Variants in POLR1A observed in about 807,000 individuals in gnomAD.
POLR1A encodes DNA-directed RNA polymerase I subunit RPA1.
Under a neutral mutation model 205.3 loss-of-function variants are expected in POLR1A, and 84 were observed. The ratio of observed to expected loss-of-function variants is 0.41; its 90% CI spans 0.34 to 0.49. The LOEUF (loss-of-function observed/expected upper bound fraction) is 0.49, where lower values mean the gene tolerates loss of function less well. Ranked by LOEUF, POLR1A falls within the 20% of genes least tolerant of loss-of-function variation. The pLI is 0.22. For missense variants in POLR1A, 1,645 were observed against 2,204.5 expected (o/e 0.75, Z 5.08); for synonymous variants, 799 against 863.7 (o/e 0.93, Z 1.31).
chr2:86,048,893 C>A lies in POLR1A; in HGVS notation c.2625G>T (p.Glu875Asp), dbSNP rs780211554. ...GCAATGCTGGGCTAACCTTGTTAAT[C>A]TCATTGCTGTAATGGTTCACTTCCT... The part of the protein sequence containing the change: ...FKEEVNHYSN[E>D]INKACMPFGL... Residue 875 changes from glutamate (E) to aspartate (D), a missense_variant, in exon 18 of 34, where the codon GAG (glutamate) becomes GAT (aspartate). By Grantham distance (45) the Glu-to-Asp change is conservative. This residue lies in a region of POLR1A where 339 missense variants were observed against 415.1 expected (regional missense o/e 0.82). Transcript: ENST00000263857. 6.2e-7 allele frequency: 1 copy of A among 1,613,796 alleles called. No individual in the cohort carries two copies. Among genetic ancestry groups the A allele is most frequent in the Admixed American group, 1.7e-5 (1 of 60,030 alleles).
chr2:86,067,399 A>T (rs1673100108), intron 13 of POLR1A, among the ~76,000 whole-genome samples: 1 of 152,230 alleles, frequency 6.6e-6, no homozygotes, highest in African/African-American at 2.4e-5. Flanking sequence ...TTGCTTAAAA[A>T]CTTTCCACAA....
chr2:86,065,315 G>C lies in POLR1A; in HGVS notation c.2017C>G (p.Pro673Ala), dbSNP rs191928354. The C allele has an allele frequency of 2.6e-4, 414 of 1,614,124 alleles. 2 individuals are homozygous for C. The African/African-American group carries it at 4.8e-3, about 19-fold the overall frequency. ...AGCGGAAAGGGCTTCAGGATGGAAGGAGAAAGGAGCTTCACGCGCCCCACT... is the reference window on the plus strand; with the variant it reads ...AGCGGAAAGGGCTTCAGGATGGAAGCAGAAAGGAGCTTCACGCGCCCCACT... ...DKVGRVKLLS[P>A]SILKPFPLWT... Residue 673 changes from proline (P) to alanine (A), a missense_variant, in exon 14 of 34, where the codon CCT becomes GCT. Pro to Ala is a conservative substitution (Grantham distance 27, BLOSUM62 -1). Coordinates refer to ENST00000263857, the MANE Select transcript of POLR1A (RefSeq NM_015425.6).
rs1558766254 is a variant in POLR1A, at chr2:86,043,150, C to G, written c.3181G>C (p.Asp1061His). ...AAGTGGTGGAGAGCTTTTTTGGGAT[C>G]TGCTCTGGATAAAACTTCATGGAGA... Reference protein sequence around the residue: ...QHLHEVLSRADPKKALHHFRA... With the variant: ...QHLHEVLSRAHPKKALHHFRA... Residue 1061 changes from aspartate (D) to histidine (H), a missense_variant, in exon 23 of 34, where the codon GAT (aspartate) becomes CAT (histidine). By Grantham distance (81) the Asp-to-His change is moderately conservative. Coordinates refer to ENST00000263857, the MANE Select transcript of POLR1A (RefSeq NM_015425.6). 6.2e-7 allele frequency: 1 copy of G among 1,613,938 alleles called. No homozygotes were observed. The highest frequency in any genetic ancestry group is 8.5e-7 in the Non-Finnish European group (1 of 1,180,002).
intron 14 of POLR1A, among the ~76,000 whole-genome samples, chr2:86,063,065 G>A (rs1199182757): frequency 9.9e-5 from 15 of 152,232 alleles, no homozygotes; most frequent in Admixed American, 9.8e-4. Context: ...GTTGGGCGCG[G>A]TGGCTCAGGC....
In POLR1A at chr2:86,042,048, T is replaced by G. The variant is rs761330208; in HGVS notation, c.3413A>C (p.Lys1138Thr). 1.2e-5 allele frequency: 19 copies of G among 1,613,624 alleles called. No individual in the cohort carries two copies. Among genetic ancestry groups the G allele is most frequent in the Middle Eastern group, 1.7e-4 (1 of 5,752 alleles). ...DEESRRKYQK[K>T]AAACPDPSLS... ...ACTGGGGTCAGGACAAGCGGCCGCC[T>G]TCTTCTGGTATTTCCTTCGGCTTTC... Residue 1138 changes from lysine (K) to threonine (T), a missense_variant, in exon 24 of 34, where the codon AAG (lysine) becomes ACG (threonine). Lys to Thr is a moderately conservative substitution (Grantham distance 78). Coordinates refer to ENST00000263857, the MANE Select transcript of POLR1A (RefSeq NM_015425.6).
At chr2:86,045,900 T>C (rs1217700201) in intron 19 of POLR1A, 131 bp from the exon 20 acceptor site, 5 of 725,156 alleles carry the variant, frequency 6.9e-6, no homozygotes, top group African/African-American at 3.8e-5. Context: ...AAGGCTAACC[T>C]ACATTTCTAA....
chr2:86,053,422 G>GT (rs1416119613), intron 15 of POLR1A, among the ~76,000 whole-genome samples: 1 of 152,136 alleles, frequency 6.6e-6, no homozygotes, highest in African/African-American at 2.4e-5. Flanking sequence ...CTTCAACCTC[G>GT]TAACTGTGCC....
At chr2:86,047,079 T>C (rs751460536) in intron 19 of POLR1A, 86 bp downstream of exon 19, 26 of 843,348 alleles carry the variant, frequency 3.1e-5, no homozygotes, top group African/African-American at 8.3e-5. Context: ...TCATGTTTTA[T>C]AGGGAACAAA....
intron 11 of POLR1A, 151 bp downstream of exon 11, chr2:86,077,708 T>G: frequency 1.1e-6 from 1 of 922,542 alleles, no homozygotes; most frequent in Non-Finnish European, 1.6e-6. Flanking sequence ...CAGAAGCTAG[T>G]TCCGCCCAAG....
At chr2:86,064,591 T>G (rs1404251245) in intron 14 of POLR1A, among the ~76,000 whole-genome samples, 1 of 152,074 alleles carries the variant, frequency 6.6e-6, no homozygotes, top group Non-Finnish European at 1.5e-5. Context: ...AGATTAGTCG[T>G]GAGTATTAAA....
At chr2:86,071,302 A>G (rs1673177669) in intron 12 of POLR1A, among the ~76,000 whole-genome samples, 1 of 150,774 alleles carries the variant, frequency 6.6e-6, no homozygotes, top group Admixed American at 6.6e-5. Context: ...AGGCTGTACT[A>G]TTTTTCTGAG....
At chr2:86,061,048 G>T (rs1672984090) in intron 14 of POLR1A, among the ~76,000 whole-genome samples, 1 of 152,134 alleles carries the variant, frequency 6.6e-6, no homozygotes. Flanking sequence ...ATATGAAGAG[G>T]TGCTCAACCT....
Position 86,030,217 on chromosome 2 carries a change from T to C in POLR1A, c.4758A>G (p.Pro1586=). 1 of 1,614,148 alleles carries C rather than the reference T, an allele frequency of 6.2e-7. No homozygotes were observed. Among genetic ancestry groups the C allele is most frequent in the Non-Finnish European group, 8.5e-7 (1 of 1,179,938 alleles). Residue 1586 remains proline (P), a synonymous_variant, in exon 31 of 34, where the codon CCA becomes CCG. Transcript: ENST00000263857. The part of the protein sequence containing the change: ...LVLNTEGINL[P]ELFKYAEVLD... ...TTACCTCTGCATACTTGAATAGCTC[T>C]GGGAGGTTGATTCCTTCTGTGTTTA... is the stretch of plus-strand genomic sequence containing the variant.
chr2:86,075,942 C>A (rs1476031507), intron 11 of POLR1A, among the ~76,000 whole-genome samples: 3 of 152,294 alleles, frequency 2.0e-5, no homozygotes, highest in Non-Finnish European at 2.9e-5. Context: ...CCTCATCTAC[C>A]CTGGCAGACA....
intron 8 of POLR1A, among the ~76,000 whole-genome samples, chr2:86,081,364 C>A (rs1381569727): frequency 1.3e-5 from 2 of 152,106 alleles, no homozygotes; most frequent in African/African-American, 4.8e-5. Flanking sequence ...CCACTGCACT[C>A]CAGCCTGGGA....
chr2:86,041,021 TTTAG>T (rs1347508267), intron 24 of POLR1A, among the ~76,000 whole-genome samples: 1 of 152,212 alleles, frequency 6.6e-6, no homozygotes, highest in Non-Finnish European at 1.5e-5. Flanking sequence ...TGTTTATATT[TTTAG>T]TTAGTGCAAA....
chr2:86,048,578 C>T (rs1042634683), intron 18 of POLR1A, among the ~76,000 whole-genome samples: 2 of 152,196 alleles, frequency 1.3e-5, no homozygotes, highest in Non-Finnish European at 2.9e-5. Context: ...GCTTATTCAC[C>T]CCTGGTGGCC....
At chr2:86,040,850 C>T (rs1200113868) in intron 24 of POLR1A, among the ~76,000 whole-genome samples, 1 of 152,080 alleles carries the variant, frequency 6.6e-6, no homozygotes, top group Non-Finnish European at 1.5e-5. Context: ...GGACTGTTAC[C>T]ACAAGCCCCC....
In POLR1A at chr2:86,028,553, G is replaced by A. The variant is rs762889888; in HGVS notation, c.4897+41C>T. On this transcript the variant is annotated intron_variant, in intron 32 of 33. Transcript: ENST00000263857. The surrounding 1 kb of genome is among the most constrained non-coding windows in gnomAD (Gnocchi z 4.5). ...TGCCGAGCCTTCTGGTGTCCTGGCTGGTGCCCAGACCTCGGGGTGTTATCT... is the reference window on the plus strand; with the variant it reads ...TGCCGAGCCTTCTGGTGTCCTGGCTAGTGCCCAGACCTCGGGGTGTTATCT... The A allele has an allele frequency of 8.3e-6, 12 of 1,448,610 alleles. No individual in the cohort carries two copies. The highest frequency in any genetic ancestry group is 2.3e-5 in the East Asian group (1 of 43,982). 89.7% of individuals were successfully genotyped at this position (1,448,610 alleles called of 1,614,324 possible).
Sources: allele counts gnomAD v4.1 joint callset (sites outside exome capture counted in the v4.1 genomes callset), GRCh38; gene constraint gnomAD v4.1.1; regional missense constraint gnomAD v4.1.1; non-coding constraint Gnocchi (gnomAD v3.1); transcripts MANE v1.5; gene names NCBI Gene and HGNC (gene_info 2026-07-23, HGNC 2026-07-21).